CA10: variants seen among roughly 807,000 people sequenced by gnomAD.
CA10 encodes carbonic anhydrase 10 (inactive).
CA10 carries 14 observed loss-of-function variants against 44.2 expected under a neutral mutation model. The ratio of observed to expected loss-of-function variants is 0.32; its 90% CI spans 0.21 to 0.50. CA10 has a LOEUF of 0.50. Among genes scored for constraint, CA10 ranks in the 20% least tolerant of loss-of-function variants. The pLI, the probability that CA10 is intolerant of heterozygous loss-of-function variation, is 0.99. For missense variants in CA10, 350 were observed against 409.7 expected (o/e 0.85, Z 1.26); for synonymous variants, 159 against 141.6 (o/e 1.12, Z -0.87).
In CA10 at chr17:51,813,702, G is replaced by A. The variant is rs76248059; in HGVS notation, c.280-65884C>T. ...CTGTGTGCAATTACACAGTGAGGGT[G>A]AAAGCTTTCCCCTCCGAATGGCTCC... On this transcript the variant is annotated intron_variant, in intron 3 of 8. Coordinates refer to ENST00000451037, the MANE Select transcript of CA10 (RefSeq NM_020178.5). Among the ~76,000 whole-genome samples, 549 of 152,322 alleles carry A rather than the reference G, an allele frequency of 3.6e-3. 2 individuals are homozygous for A. Among genetic ancestry groups the A allele is most frequent in the African/African-American group, 0.013 (521 of 41,572 alleles).
intron 2 of CA10, among the ~76,000 whole-genome samples, chr17:51,974,957 C>A (rs1368656706): frequency 6.6e-6 from 1 of 151,836 alleles, no homozygotes; most frequent in Admixed American, 6.6e-5. Context: ...TGTTAAAGGA[C>A]GATGGAACAC....
In CA10 at chr17:51,931,034, C is replaced by G; in HGVS notation, c.235G>C (p.Asp79His). 1 of 1,613,450 alleles carries G rather than the reference C, an allele frequency of 6.2e-7. No homozygotes were observed. ...VNIETSHMIF[D>H]PFLTPLRINT... Reference sequence around the variant, plus strand: ...ATGCGAAGAGGTGTCAGAAAGGGGTCGAAGATCATGTGACTGGTCTCTATG... The same window carrying G: ...ATGCGAAGAGGTGTCAGAAAGGGGTGGAAGATCATGTGACTGGTCTCTATG... The change falls in exon 3 of 9, where the codon GAC becomes CAC. Residue 79 changes from aspartate to histidine, a missense_variant. Transcript: ENST00000451037.
At chr17:51,860,905 G>A (rs1248701955) in intron 3 of CA10, among the ~76,000 whole-genome samples, 2 of 152,078 alleles carry the variant, frequency 1.3e-5, no homozygotes, top group Non-Finnish European at 2.9e-5. Flanking sequence ...CTAAGTATTT[G>A]ACTTAATCCT....
intron 2 of CA10, among the ~76,000 whole-genome samples, chr17:51,948,217 T>C (rs1221598546): frequency 6.6e-6 from 1 of 152,140 alleles, no homozygotes; most frequent in East Asian, 1.9e-4. Context: ...CCTGTATTGC[T>C]GGGGCAGGGG....
intron 1 of CA10, among the ~76,000 whole-genome samples, chr17:52,129,124 C>T (rs955764678): frequency 2.0e-5 from 3 of 152,216 alleles, no homozygotes; most frequent in Non-Finnish European, 4.4e-5. Flanking sequence ...CTGTAGCCTA[C>T]TCATCCTGAA....
At chr17:51,640,002 T>G (rs1913015560) in intron 6 of CA10, among the ~76,000 whole-genome samples, 1 of 152,178 alleles carries the variant, frequency 6.6e-6, no homozygotes, top group South Asian at 2.1e-4. Flanking sequence ...ACTGCTCCTC[T>G]CCTCAAGGAC....
chr17:51,651,831 G>A (rs1287263630), intron 5 of CA10, among the ~76,000 whole-genome samples: 1 of 152,176 alleles, frequency 6.6e-6, no homozygotes, highest in Non-Finnish European at 1.5e-5. Flanking sequence ...GGGCAGGCAG[G>A]ATTTGTGCTG....
At chr17:51,877,678 C>T (rs537059669) in intron 3 of CA10, among the ~76,000 whole-genome samples, 2 of 152,290 alleles carry the variant, frequency 1.3e-5, no homozygotes, top group South Asian at 4.2e-4. Flanking sequence ...GGTAGCATCA[C>T]TGTATTGGTG....
chr17:52,030,106 C>A (rs1237140272), intron 2 of CA10, among the ~76,000 whole-genome samples: 1 of 152,198 alleles, frequency 6.6e-6, no homozygotes, highest in Admixed American at 6.5e-5. Flanking sequence ...GTAGCAAAGG[C>A]TTCTGTCCAG....
intron 1 of CA10, among the ~76,000 whole-genome samples, chr17:52,124,729 C>T (rs868216790): frequency 6.6e-6 from 1 of 152,132 alleles, no homozygotes; most frequent in African/African-American, 2.4e-5. Flanking sequence ...CTGTTTCATC[C>T]TCAATGCCTC....
At chr17:52,013,926 T>C (rs528594775) in intron 2 of CA10, among the ~76,000 whole-genome samples, 9 of 152,066 alleles carry the variant, frequency 5.9e-5, no homozygotes, top group African/African-American at 1.9e-4. Context: ...ATTCTGTTAA[T>C]TCGTGTAAGC....
At chr17:51,887,528 A>G in intron 3 of CA10, among the ~76,000 whole-genome samples, 1 of 152,334 alleles carries the variant, frequency 6.6e-6, no homozygotes, top group African/African-American at 2.4e-5. Context: ...AACAAATAAC[A>G]TGGTTGGGAT....
intron 1 of CA10, among the ~76,000 whole-genome samples, chr17:52,095,824 C>T (rs1393735): frequency 0.59 from 89,352 of 152,034 alleles, 27,174 homozygotes; most frequent in African/African-American, 0.74. Flanking sequence ...AAATGTTTTA[C>T]GTATGCCGTT....
chr17:52,067,857 G>A (rs958201050), intron 2 of CA10, among the ~76,000 whole-genome samples: 1 of 152,208 alleles, frequency 6.6e-6, no homozygotes, highest in Admixed American at 6.5e-5. Context: ...ATTTGGAATG[G>A]CTCTATTTAC....
chr17:51,797,799 G>A (rs562411994), intron 3 of CA10, among the ~76,000 whole-genome samples: 7 of 141,412 alleles, frequency 5.0e-5, no homozygotes, highest in East Asian at 2.2e-4. Flanking sequence ...TGCAGTGAGC[G>A]GAGATTGCGC....
intron 3 of CA10, among the ~76,000 whole-genome samples, chr17:51,765,634 G>T (rs771378149): frequency 6.6e-6 from 1 of 151,444 alleles, no homozygotes; most frequent in Non-Finnish European, 1.5e-5. Context: ...AAGAAGGCTG[G>T]TTATTCCTGA....
chr17:52,016,235 T>A (rs1985964193), intron 2 of CA10, among the ~76,000 whole-genome samples: 1 of 152,060 alleles, frequency 6.6e-6, no homozygotes, highest in African/African-American at 2.4e-5. Flanking sequence ...ATACAGGCAA[T>A]CTTTCTGTTC....
chr17:51,806,036 C>T (rs1335558474), intron 3 of CA10, among the ~76,000 whole-genome samples: 2 of 152,102 alleles, frequency 1.3e-5, no homozygotes, highest in Admixed American at 6.5e-5. Context: ...GAAAGGAGGC[C>T]GCTGCACTTA....
intron 3 of CA10, among the ~76,000 whole-genome samples, chr17:51,923,439 T>G (rs1009791734): frequency 1.3e-5 from 2 of 152,238 alleles, no homozygotes; most frequent in Non-Finnish European, 2.9e-5. Flanking sequence ...ATTGATTTGC[T>G]AATTAATCAT....
Sources: gnomAD v4.1 joint callset for allele counts (sites outside exome capture counted in the v4.1 genomes callset) on GRCh38, gnomAD v4.1.1 for gene constraint, MANE v1.5 for transcripts, NCBI Gene and HGNC (gene_info 2026-07-23, HGNC 2026-07-21) for gene names.